The following DNAH9 variants were observed in gnomAD, a reference collection of about 807,000 sequenced individuals.
DNAH9 encodes the protein DNAH9 variant protein.
In DNAH9, 345 loss-of-function variants were observed where a neutral mutation model predicts 471.6. That is an observed-to-expected ratio of 0.73 (90% confidence interval 0.67 to 0.80). The LOEUF is 0.80. Ranked by LOEUF, DNAH9 falls within the 30% of genes least tolerant of loss-of-function variation. DNAH9 has a pLI of 0.00. For missense variants in DNAH9, 5,407 were observed against 5,609.2 expected, an observed-to-expected ratio of 0.96 and a Z score of 1.15; for synonymous variants, 2,093 against 2,123.6, an observed-to-expected ratio of 0.99 and a Z score of 0.40.
chr17:11,778,834 C>A (rs973124472), intron 38 of DNAH9, among the ~76,000 whole-genome samples: 1 of 151,886 alleles, frequency 6.6e-6, no homozygotes. Context: ...TGGAGAAACC[C>A]CATCTCTACT....
chr17:11,623,140 A>AT lies in DNAH9; in HGVS notation c.1350+3364dup, dbSNP rs2072906215. ...AGGCATGTGCCACCATGCCTGGTTA[A>AT]TTTTTGTATTTTTAGTAGAGACAGG... is the stretch of plus-strand genomic sequence containing the variant. On this transcript the variant is annotated intron_variant, in intron 6 of 68. Coordinates refer to ENST00000262442, the MANE Select transcript of DNAH9 (RefSeq NM_001372.4). The surrounding 1 kb of genome is among the most constrained non-coding windows in gnomAD (Gnocchi z 4.1). Among the ~76,000 whole-genome samples the AT allele has an allele frequency of 2.0e-5, 3 of 151,282 alleles. No homozygotes were observed. In the East Asian group the frequency reaches 5.9e-4, roughly 30 times the overall value.
intron 1 of DNAH9, among the ~76,000 whole-genome samples, chr17:11,605,697 G>A (rs981074585): frequency 1.4e-5 from 2 of 138,670 alleles, no homozygotes; most frequent in Non-Finnish European, 3.0e-5. Context: ...TACAGATGAG[G>A]TCTTGCTATG....
intron 10 of DNAH9, among the ~76,000 whole-genome samples, chr17:11,644,026 G>C (rs1423752593): frequency 6.6e-6 from 1 of 152,196 alleles, no homozygotes. Context: ...CAGTGAGTGG[G>C]TGGTGAGTGA....
chr17:11,717,626 C>G (rs2074986805), intron 26 of DNAH9, among the ~76,000 whole-genome samples: 2 of 152,240 alleles, frequency 1.3e-5, no homozygotes, highest in African/African-American at 4.8e-5. Flanking sequence ...ATTGTATCAG[C>G]TTTATTGAGG....
Position 11,756,132 on chromosome 17 carries a change from C to G in DNAH9, c.6739-436C>G, listed in dbSNP as rs146526385. On this transcript the variant is annotated intron_variant, in intron 33 of 68. Transcript: ENST00000262442. ...CTCTACAAAAAATACAAAAAATTAG[C>G]TGGACATGGTGGCAGGCACCTGTAG... 5.1e-3 allele frequency among the ~76,000 whole-genome samples: 775 copies of G among 152,230 alleles called. 5 individuals are homozygous for G. The highest frequency in any genetic ancestry group is 0.018 in the African/African-American group (758 of 41,528).
intron 61 of DNAH9, among the ~76,000 whole-genome samples, chr17:11,919,482 G>A (rs143419873): frequency 0.07 from 8,757 of 125,320 alleles, 421 homozygotes; most frequent in East Asian, 0.21. Flanking sequence ...GCGACAGAGC[G>A]AGACTCCGTC....
chr17:11,879,986 A>T, intron 53 of DNAH9, 92 bp from the exon 54 acceptor site: 3 of 1,452,438 alleles, frequency 2.1e-6, no homozygotes, highest in Non-Finnish European at 1.9e-6. Context: ...CTATACCACC[A>T]TGTCTTAGAG....
At chr17:11,873,624 A>G (rs745727948) in intron 52 of DNAH9, among the ~76,000 whole-genome samples, 6 of 152,218 alleles carry the variant, frequency 3.9e-5, no homozygotes, top group Admixed American at 6.5e-5. Context: ...GCATTATGCT[A>G]AGTGAAAGTA....
intron 61 of DNAH9, among the ~76,000 whole-genome samples, chr17:11,911,849 A>G (rs1470568201): frequency 2.6e-5 from 4 of 152,130 alleles, no homozygotes; most frequent in Admixed American, 2.6e-4. Context: ...TGTAAATGGA[A>G]TTGTTTCCTT....
intron 45 of DNAH9, among the ~76,000 whole-genome samples, chr17:11,811,793 G>A (rs1859890): frequency 0.012 from 1,809 of 151,284 alleles, 26 homozygotes; most frequent in African/African-American, 0.041. Flanking sequence ...TTACAGATAT[G>A]CTCTGTCCTG....
intron 8 of DNAH9, among the ~76,000 whole-genome samples, chr17:11,635,054 C>G (rs960266048): frequency 1.3e-5 from 2 of 152,194 alleles, no homozygotes; most frequent in African/African-American, 4.8e-5. Flanking sequence ...TGTTCGTTGA[C>G]TTAAAGCAAG....
intron 52 of DNAH9, 152 bp from the exon 53 acceptor site, chr17:11,874,797 C>T: frequency 1.6e-6 from 1 of 619,420 alleles, no homozygotes; most frequent in Non-Finnish European, 2.8e-6. Flanking sequence ...AACCTGCTTC[C>T]AGAAATAATC....
intron 41 of DNAH9, among the ~76,000 whole-genome samples, chr17:11,790,791 T>G (rs191102863): frequency 1.8e-3 from 267 of 152,248 alleles, no homozygotes; most frequent in African/African-American, 6.1e-3. Flanking sequence ...TTGTTCTCCC[T>G]CTTTTAGCAT....
intron 45 of DNAH9, among the ~76,000 whole-genome samples, chr17:11,819,923 CATTTT>C (rs1313898803): frequency 2.6e-5 from 4 of 152,072 alleles, no homozygotes; most frequent in East Asian, 1.9e-4. Flanking sequence ...TAACCTTAAA[CATTTT>C]ATTTTATTTT....
In DNAH9 at chr17:11,937,514, G is replaced by A. The variant is rs1295435678; in HGVS notation, c.12652G>A (p.Glu4218Lys). Reference sequence around the variant, plus strand: ...CAGAGACGGAGCGGGCGCCACAAGAGAAGAAAAGGTGTGTGTGGTGGGGAC... The same window carrying A: ...CAGAGACGGAGCGGGCGCCACAAGAAAAGAAAAGGTGTGTGTGGTGGGGAC... ...QARDGAGATR[E>K]EKVKALLEEI... is the part of the protein sequence containing the mutation. Residue 4218 changes from glutamate to lysine, a missense_variant, in exon 66 of 69, where the codon GAA becomes AAA. By Grantham distance (56) the Glu-to-Lys change is moderately conservative. Coordinates refer to ENST00000262442, the MANE Select transcript of DNAH9 (RefSeq NM_001372.4). This position sits in a 1 kb window ranked among gnomAD's most constrained non-coding sequence, Gnocchi z 4.1. 3 of 1,611,726 alleles carry A rather than the reference G, an allele frequency of 1.9e-6. No individual in the cohort carries two copies. The highest frequency in any genetic ancestry group is 2.5e-6 in the Non-Finnish European group (3 of 1,178,598).
chr17:11,680,987 G>C (rs2074124199), intron 19 of DNAH9, 98 bp downstream of exon 19: 4 of 1,144,146 alleles, frequency 3.5e-6, no homozygotes, highest in Non-Finnish European at 4.9e-6. Flanking sequence ...TCCAGCAGCT[G>C]CAGACCAGTT....
At chr17:11,865,534 T>C (rs1266870599) in intron 50 of DNAH9, among the ~76,000 whole-genome samples, 1 of 152,140 alleles carries the variant, frequency 6.6e-6, no homozygotes, top group African/African-American at 2.4e-5. Flanking sequence ...CTTTGTGGCG[T>C]TCTCTGTATT....
chr17:11,734,845 C>G (rs1440243460), intron 28 of DNAH9, among the ~76,000 whole-genome samples: 1 of 152,216 alleles, frequency 6.6e-6, no homozygotes, highest in African/African-American at 2.4e-5. Flanking sequence ...TCAACACCCT[C>G]CCGTCTGAGA....
At chr17:11,703,988 C>CA (rs2074649873) in intron 24 of DNAH9, among the ~76,000 whole-genome samples, 3 of 152,208 alleles carry the variant, frequency 2.0e-5, no homozygotes, top group African/African-American at 7.2e-5. Flanking sequence ...TACATTTTTT[C>CA]AGGAGCAGAA....
Sources: allele counts gnomAD v4.1 joint callset (sites outside exome capture counted in the v4.1 genomes callset), GRCh38; gene constraint gnomAD v4.1.1; non-coding constraint Gnocchi (gnomAD v3.1); transcripts MANE v1.5; gene names NCBI Gene and HGNC (gene_info 2026-07-23, HGNC 2026-07-21).